Variants in ADGRG6 observed in about 807,000 individuals in gnomAD.
ADGRG6 encodes the protein G-protein coupled receptor 126.
Under a neutral mutation model 142.4 loss-of-function variants are expected in ADGRG6, and 84 were observed. That is an observed-to-expected ratio of 0.59 (90% CI 0.49 to 0.71). The LOEUF is 0.71. Among genes scored for constraint, ADGRG6 ranks in the 30% least tolerant of loss-of-function variants. The pLI, the probability that ADGRG6 is intolerant of heterozygous loss-of-function variation, is 0.00. For synonymous variants in ADGRG6, 521 were observed against 520.5 expected (o/e 1.00, Z -0.01); for missense variants, 1,367 against 1,466.6 (o/e 0.93, Z 1.11).
At chr6:142,395,282 T>G (rs1171956814) in intron 9 of ADGRG6, among the ~76,000 whole-genome samples, 1 of 152,154 alleles carries the variant, frequency 6.6e-6, no homozygotes, top group Non-Finnish European at 1.5e-5. Flanking sequence ...AGAACTCTTC[T>G]CCACTATTTA....
intron 2 of ADGRG6, among the ~76,000 whole-genome samples, chr6:142,350,780 A>G (rs1780134175): frequency 6.6e-6 from 1 of 152,232 alleles, no homozygotes; most frequent in African/African-American, 2.4e-5. Flanking sequence ...TTATTAAAAA[A>G]CAATTATCTC....
chr6:142,417,440 C>T (rs1776422925), intron 21 of ADGRG6, 71 bp downstream of exon 21: 1 of 725,222 alleles, frequency 1.4e-6, no homozygotes, highest in Non-Finnish European at 2.4e-6. Context: ...AATTTCCATG[C>T]CAATAACAAG....
chr6:142,400,638 T>C (rs758325816), intron 11 of ADGRG6, 42 bp downstream of exon 11: 6 of 996,274 alleles, frequency 6.0e-6, no homozygotes, highest in Non-Finnish European at 4.8e-6. Flanking sequence ...CTACATGTTA[T>C]CAGCCTTCCC....
At chr6:142,403,519 A>G (rs1474776492) in intron 13 of ADGRG6, among the ~76,000 whole-genome samples, 1 of 152,150 alleles carries the variant, frequency 6.6e-6, no homozygotes, top group East Asian at 1.9e-4. Context: ...CATGTTGGAA[A>G]AGAGAGGCTA....
At chr6:142,349,232 C>G (rs1484632917) in intron 2 of ADGRG6, among the ~76,000 whole-genome samples, 2 of 152,194 alleles carry the variant, frequency 1.3e-5, no homozygotes, top group Non-Finnish European at 2.9e-5. Context: ...GTTCCTGAAA[C>G]ACCAGACTCT....
chr6:142,403,982 C>T lies in ADGRG6; in HGVS notation c.2127+9C>T, dbSNP rs1233147954. On this transcript the variant is annotated intron_variant, in intron 14 of 24. Coordinates refer to ENST00000367609, the MANE Select transcript of ADGRG6 (RefSeq NM_198569.3). ...ATGAATCGTATTTCCAGGTAATGAG[C>T]CAGTGGTTTCTTTCATTTTAATTAA... The T allele has an allele frequency of 1.9e-6, 3 of 1,584,076 alleles. No homozygotes were observed. Among genetic ancestry groups the T allele is most frequent in the African/African-American group, 1.4e-5 (1 of 74,012 alleles).
chr6:142,386,077 G>A (rs1271385641), intron 6 of ADGRG6, among the ~76,000 whole-genome samples: 1 of 152,156 alleles, frequency 6.6e-6, no homozygotes, highest in African/African-American at 2.4e-5. Context: ...GAGGGGTTGA[G>A]TTTGCTTGAT....
At chr6:142,370,061 A>T in intron 3 of ADGRG6, 109 bp from the exon 4 acceptor site, 1 of 791,870 alleles carries the variant, frequency 1.3e-6, no homozygotes, top group Non-Finnish European at 2.0e-6. Context: ...GGCAAATGGT[A>T]GGTAAAAAGT....
At chr6:142,440,099 G>C (rs1353721496) in intron 24 of ADGRG6, among the ~76,000 whole-genome samples, 2 of 152,096 alleles carry the variant, frequency 1.3e-5, no homozygotes, top group Non-Finnish European at 2.9e-5. Context: ...GAGGAAAGAA[G>C]ATAACAAGGC....
chr6:142,393,414 C>T (rs1222514717), intron 8 of ADGRG6, among the ~76,000 whole-genome samples: 5 of 152,060 alleles, frequency 3.3e-5, no homozygotes, highest in Non-Finnish European at 7.4e-5. Context: ...TGCAACCTAA[C>T]TTTTCGAAAT....
chr6:142,407,190 A>AAAG (rs397714202), intron 15 of ADGRG6, among the ~76,000 whole-genome samples: 2 of 149,876 alleles, frequency 1.3e-5, no homozygotes, highest in African/African-American at 4.9e-5. Flanking sequence ...AAAAAAAAAA[A>AAAG]GGAAGCATAT....
At chr6:142,409,971 A>G in intron 17 of ADGRG6, 52 bp downstream of exon 17, 1 of 732,912 alleles carries the variant, frequency 1.4e-6, no homozygotes, top group Non-Finnish European at 2.3e-6. Context: ...TGAATTTTAA[A>G]CATTGTTAGA....
At chr6:142,348,702 T>C (rs549446000) in intron 2 of ADGRG6, among the ~76,000 whole-genome samples, 1 of 152,072 alleles carries the variant, frequency 6.6e-6, no homozygotes, top group African/African-American at 2.4e-5. Context: ...TAAATCTTAA[T>C]GGGAATGTAG....
At chr6:142,420,837 A>T (rs1039093966) in intron 22 of ADGRG6, among the ~76,000 whole-genome samples, 2 of 152,138 alleles carry the variant, frequency 1.3e-5, no homozygotes, top group Non-Finnish European at 2.9e-5. Flanking sequence ...TAGATCATTA[A>T]ATGGAATTCT....
At chr6:142,396,496 T>C (rs1470715664) in intron 9 of ADGRG6, among the ~76,000 whole-genome samples, 1 of 152,152 alleles carries the variant, frequency 6.6e-6, no homozygotes, top group African/African-American at 2.4e-5. Context: ...ATAGCAAATA[T>C]TTCACATATT....
At chr6:142,400,954 T>C (rs1775490570) in intron 11 of ADGRG6, among the ~76,000 whole-genome samples, 1 of 152,154 alleles carries the variant, frequency 6.6e-6, no homozygotes. Context: ...TGATTATTGC[T>C]GGAATGGGGA....
intron 4 of ADGRG6, 191 bp downstream of exon 4, chr6:142,370,984 C>T: frequency 3.4e-6 from 2 of 589,674 alleles, no homozygotes; most frequent in Non-Finnish European, 5.8e-6. Context: ...TCTTATAGCA[C>T]ACATTTGATT....
chr6:142,427,059 T>A lies in ADGRG6; in HGVS notation c.3319+6955T>A, dbSNP rs1369664039. Among the ~76,000 whole-genome samples, 3 of 152,236 alleles carry A rather than the reference T, an allele frequency of 2.0e-5. 1 individual carries two copies. The highest frequency in any genetic ancestry group is 7.2e-5 in the African/African-American group (3 of 41,468). On this transcript the variant is annotated intron_variant, in intron 22 of 24. Coordinates refer to ENST00000367609, the MANE Select transcript of ADGRG6 (RefSeq NM_198569.3). Reference sequence around the variant, plus strand: ...TCTCTGACATGACCTGGAGACATTTTCACCATTGTCTTGATGTTTAACATT... The same window carrying A: ...TCTCTGACATGACCTGGAGACATTTACACCATTGTCTTGATGTTTAACATT...
At position 142,443,522 on chromosome 6, in the gene ADGRG6, T is replaced by C. The variant is rs748925850; in HGVS notation, c.*7T>C. ...CCACAGCACAAAGTTTTAATGTCTTTAAGAAAAAGAAATCAATCTGCAGAA... is the reference window on the plus strand; with the variant it reads ...CCACAGCACAAAGTTTTAATGTCTTCAAGAAAAAGAAATCAATCTGCAGAA... On this transcript the variant is annotated 3_prime_UTR_variant, in exon 25 of 25. Coordinates refer to ENST00000367609, the MANE Select transcript of ADGRG6 (RefSeq NM_198569.3). 2.5e-6 allele frequency: 4 copies of C among 1,589,642 alleles called. No homozygotes were observed. Among genetic ancestry groups the C allele is most frequent in the Middle Eastern group, 1.7e-4 (1 of 5,934 alleles).
Sources: gnomAD v4.1 joint callset for allele counts (sites outside exome capture counted in the v4.1 genomes callset) on GRCh38, gnomAD v4.1.1 for gene constraint, MANE v1.5 for transcripts, NCBI Gene and HGNC (gene_info 2026-07-23, HGNC 2026-07-21) for gene names.